The following TRAPPC3 variants were observed in gnomAD, a reference collection of about 807,000 sequenced individuals.
TRAPPC3 encodes the protein trafficking protein particle complex 3.
TRAPPC3 carries 5 observed loss-of-function variants against 18.2 expected under a neutral mutation model. That is an observed-to-expected ratio of 0.28 (90% CI 0.14 to 0.58). The LOEUF (loss-of-function observed/expected upper bound fraction) is 0.58, where lower values mean the gene tolerates loss of function less well. Among genes scored for constraint, TRAPPC3 ranks in the 20% least tolerant of loss-of-function variants. The pLI is 0.91. For synonymous variants in TRAPPC3, 65 were observed against 84.2 expected (o/e 0.77, Z 1.25); for missense variants, 176 against 225.9 (o/e 0.78, Z 1.41).
upstream of TRAPPC3, chr1:36,149,527 G>T: frequency 9.7e-7 from 1 of 1,027,448 alleles, no homozygotes; most frequent in Non-Finnish European, 1.4e-6. Context: ...GGCACCACGG[G>T]ACTAGTGGTC....
upstream of TRAPPC3, among the ~76,000 whole-genome samples, chr1:36,150,330 G>A (rs1202345031): frequency 1.3e-5 from 2 of 152,240 alleles, no homozygotes; most frequent in South Asian, 2.1e-4. Context: ...CCAACAAACA[G>A]GCACCAGAAA....
rs115892851 is a variant in TRAPPC3 at position 36,142,632 on chromosome 1, C to T, written c.43-2466G>A. Among the ~76,000 whole-genome samples, 627 of 152,242 alleles carry T rather than the reference C, an allele frequency of 4.1e-3. 7 individuals carry two copies. The highest frequency in any genetic ancestry group is 0.014 in the African/African-American group (597 of 41,532). On this transcript the variant is annotated intron_variant, in intron 1 of 4. Transcript: ENST00000373166. ...GATCCCTGAGTTAGGCTCTCCATACCCTCTCTTGATTTGCAAGTCTATCTT... is the reference window on the plus strand; with the variant it reads ...GATCCCTGAGTTAGGCTCTCCATACTCTCTCTTGATTTGCAAGTCTATCTT...
intron 1 of TRAPPC3, among the ~76,000 whole-genome samples, chr1:36,141,617 T>A (rs1644108579): frequency 6.6e-6 from 1 of 152,122 alleles, no homozygotes; most frequent in Non-Finnish European, 1.5e-5. Context: ...AGGCAGGAAT[T>A]AACCCCACTT....
At chr1:36,152,799 C>G (rs918602129), upstream of TRAPPC3, among the ~76,000 whole-genome samples, 2 of 152,054 alleles carry the variant, frequency 1.3e-5, no homozygotes, top group Non-Finnish European at 2.9e-5. Context: ...TACAGGCACG[C>G]ACCACGATGC....
intron 1 of TRAPPC3, among the ~76,000 whole-genome samples, chr1:36,154,913 G>A (rs1298243609): frequency 6.6e-6 from 1 of 152,004 alleles, no homozygotes; most frequent in Non-Finnish European, 1.5e-5. Flanking sequence ...CCCTTCCCAG[G>A]CCTTCCCAAG....
chr1:36,143,825 C>T (rs1212695299), intron 1 of TRAPPC3, among the ~76,000 whole-genome samples: 2 of 152,212 alleles, frequency 1.3e-5, no homozygotes, highest in African/African-American at 4.8e-5. Context: ...TCTTCCTGAA[C>T]ATTAGTTTTT....
chr1:36,143,544 C>T (rs552130833), intron 1 of TRAPPC3, among the ~76,000 whole-genome samples: 1 of 152,168 alleles, frequency 6.6e-6, no homozygotes, highest in Non-Finnish European at 1.5e-5. Context: ...AACAAAAGTT[C>T]TCATGGGATC....
rs1198321079 is a variant in TRAPPC3 at position 36,136,851 on chromosome 1, AG to A, written c.*351del. 5.9e-6 allele frequency: 1 copy of A among 168,432 alleles called. No individual in the cohort carries two copies. Among genetic ancestry groups the A allele is most frequent in the Non-Finnish European group, 1.3e-5 (1 of 77,380 alleles). The allele number at this position is 168,432 out of a possible 1,614,324, so 10.4% of individuals were successfully genotyped here. ...GAGGCAAATGGCTTTCTAAAGGCCC[AG>A]GGATAGATGTGCCAGGCTTGCCTCT... On this transcript the variant is annotated 3_prime_UTR_variant, in exon 5 of 5. Transcript: ENST00000373166.
chr1:36,149,120 T>A, intron 1 of TRAPPC3: 8 of 1,442,200 alleles, frequency 5.5e-6, no homozygotes, highest in Non-Finnish European at 7.3e-6. Flanking sequence ...AGCACAGAGC[T>A]GCACTCAGGC....
intron 1 of TRAPPC3, chr1:36,140,448 C>G: frequency 3.4e-6 from 1 of 298,190 alleles, no homozygotes; most frequent in African/African-American, 2.1e-5. Context: ...CAAGTCTCCA[C>G]CACAGCTGTC....
At chr1:36,149,132 T>A in intron 1 of TRAPPC3, 2 of 1,446,924 alleles carry the variant, frequency 1.4e-6, no homozygotes, top group Non-Finnish European at 1.8e-6. Context: ...CACTCAGGCC[T>A]TGGGGGCGGG....
intron 1 of TRAPPC3, among the ~76,000 whole-genome samples, chr1:36,147,390 T>C (rs190075456): frequency 8.4e-4 from 127 of 151,968 alleles, no homozygotes; most frequent in African/African-American, 2.9e-3. Flanking sequence ...TCCCAGTAAT[T>C]TGTGAAGCAG....
intron 1 of TRAPPC3, among the ~76,000 whole-genome samples, chr1:36,146,301 T>TC (rs1491241887): frequency 4.0e-5 from 1 of 24,736 alleles, no homozygotes; most frequent in African/African-American, 7.0e-5. Flanking sequence ...ATGGTCTCTC[T>TC]TTTTTTTTTT....
At chr1:36,153,231 T>C (rs1009897105), upstream of TRAPPC3, among the ~76,000 whole-genome samples, 3 of 152,188 alleles carry the variant, frequency 2.0e-5, no homozygotes, top group African/African-American at 7.2e-5. Context: ...CAGCGTTACC[T>C]AGCCCCAAAC....
rs950616353 is a variant in TRAPPC3, at chr1:36,136,609, T to A, written c.*594A>T. ...TCAAGAATGTGTCTTTATTGAAGAATTTGTAAGAAAAAAGGATGTACCCTC... is the reference window on the plus strand; with the variant it reads ...TCAAGAATGTGTCTTTATTGAAGAAATTGTAAGAAAAAAGGATGTACCCTC... On this transcript the variant is annotated 3_prime_UTR_variant, in exon 5 of 5. Transcript: ENST00000373166. The A allele has an allele frequency of 1.3e-5, 2 of 152,700 alleles. No individual in the cohort carries two copies. Among genetic ancestry groups the A allele is most frequent in the African/African-American group, 2.4e-5 (1 of 41,548 alleles). The allele number at this position is 152,700 out of a possible 1,614,324, so 9.5% of individuals were successfully genotyped here.
upstream of TRAPPC3, among the ~76,000 whole-genome samples, chr1:36,149,916 G>T (rs535681195): frequency 5.3e-5 from 8 of 152,244 alleles, no homozygotes; most frequent in Non-Finnish European, 8.8e-5. Context: ...GACTCACACA[G>T]AATTGGCTTC....
chr1:36,139,473 C>T, intron 3 of TRAPPC3: 1 of 482,634 alleles, frequency 2.1e-6, no homozygotes. Flanking sequence ...TATTCTTTAC[C>T]CCCATGCTAC....
Position 36,139,735 on chromosome 1 carries a change from C to T in TRAPPC3, c.225G>A (p.Ala75=), listed in dbSNP as rs2231313. Residue 75 remains alanine, a synonymous_variant, in exon 3 of 5, where the codon GCG becomes GCA. Coordinates refer to ENST00000373166, the MANE Select transcript of TRAPPC3 (RefSeq NM_014408.5). ...VGRCHDFRET[A]DVIAKVAFKM... The stretch of plus-strand genomic sequence containing the variant: ...GAATAATGACCTTGGCAATGACATC[C>T]GCAGTTTCCCGAAAGTCATGGCACC... 5.9e-4 allele frequency: 946 copies of T among 1,614,090 alleles called. 4 individuals carry two copies. The African/African-American group carries it at 9.0e-3, about 15-fold the overall frequency.
intron 1 of TRAPPC3, among the ~76,000 whole-genome samples, chr1:36,148,501 A>C (rs1644232730): frequency 6.7e-6 from 1 of 149,046 alleles, no homozygotes; most frequent in Non-Finnish European, 1.5e-5. Flanking sequence ...AGGCTGAGGC[A>C]GAAGAACTGC....
Sources: allele counts gnomAD v4.1 joint callset (sites outside exome capture counted in the v4.1 genomes callset), GRCh38; gene constraint gnomAD v4.1.1; transcripts MANE v1.5; gene names NCBI Gene and HGNC (gene_info 2026-07-23, HGNC 2026-07-21).